Variants in ANKRD17 observed in about 807,000 individuals in gnomAD.
ANKRD17 encodes ankyrin repeat domain 17, also known as ankyrin repeat domain-containing protein 17.
In ANKRD17, 19 loss-of-function variants were observed where a neutral mutation model predicts 229.7. The ratio of observed to expected loss-of-function variants is 0.08; its 90% CI spans 0.06 to 0.12. ANKRD17 has a LOEUF of 0.12. ANKRD17 is among the 10% of genes least tolerant of loss of function. The probability of loss-of-function intolerance (pLI) is 1.00; values close to 1 mark genes in which losing one functional copy is unlikely to be tolerated. For missense variants in ANKRD17, 2,176 were observed against 3,176.8 expected (o/e 0.68, Z 7.57); for synonymous variants, 1,112 against 1,146.1 (o/e 0.97, Z 0.60).
At chr4:73,253,414 C>T (rs774268548) in intron 1 of ANKRD17, among the ~76,000 whole-genome samples, 5 of 152,204 alleles carry the variant, frequency 3.3e-5, no homozygotes, top group Non-Finnish European at 7.3e-5. Context: ...AATATAGCAG[C>T]ACCTACTTCA....
intron 1 of ANKRD17, among the ~76,000 whole-genome samples, chr4:73,192,304 G>A (rs1394660692): frequency 1.3e-5 from 2 of 151,790 alleles, no homozygotes; most frequent in Non-Finnish European, 2.9e-5. Flanking sequence ...TATTGATGCA[G>A]AATGATCTTC....
At chr4:73,080,719 A>T (rs1239433712) in intron 30 of ANKRD17, 1 of 152,220 alleles carries the variant, frequency 6.6e-6, no homozygotes, top group African/African-American at 2.4e-5. Context: ...CTGGGAGCCT[A>T]CCTTAACCTC....
rs1745650046 is a variant in ANKRD17 at position 73,258,186 on chromosome 4, G to A, written c.393+90C>T. ...TGGCCCCTAAGAGATCAACCCACTG[G>A]AATCTGTCCCACTCCAAATCCCCTC... On this transcript the variant is annotated intron_variant, in intron 1 of 33. Transcript: ENST00000358602. The A allele has an allele frequency of 8.2e-6, 13 of 1,583,750 alleles. No homozygotes were observed. The South Asian group carries it at 1.1e-4, about 14-fold the overall frequency.
chr4:73,126,849 C>T (rs1343173019), intron 16 of ANKRD17, among the ~76,000 whole-genome samples: 15 of 152,204 alleles, frequency 9.9e-5, no homozygotes, highest in Non-Finnish European at 2.1e-4. Context: ...CTCCCTGCCT[C>T]AGCTTCCTGA....
At chr4:73,243,815 A>G (rs138219709) in intron 1 of ANKRD17, among the ~76,000 whole-genome samples, 208 of 152,302 alleles carry the variant, frequency 1.4e-3, no homozygotes, top group African/African-American at 4.7e-3. Context: ...TATAATGGAA[A>G]ATGACGTTGG....
rs1372374197 is a variant in ANKRD17 at position 73,076,259 on chromosome 4, T to G, written c.7784A>C (p.Asn2595Thr). 1 of 1,611,874 alleles carries G rather than the reference T, an allele frequency of 6.2e-7. No individual in the cohort carries two copies. The highest frequency in any genetic ancestry group is 1.7e-5 in the Admixed American group (1 of 59,628). Residue 2595 changes from asparagine (N) to threonine (T), a missense_variant, in exon 34 of 34, where the codon AAC becomes ACC. This residue lies in a region of ANKRD17 where 159 missense variants were observed against 214.3 expected (regional missense o/e 0.74). Coordinates refer to ENST00000358602, the MANE Select transcript of ANKRD17 (RefSeq NM_032217.5). Reference sequence around the variant, plus strand: ...GCCAAGCTGGTTCATATGCACACTGTTCATGTGAGGTGCCCAGGGTCCAGT... The same window carrying G: ...GCCAAGCTGGTTCATATGCACACTGGTCATGTGAGGTGCCCAGGGTCCAGT... Reference protein sequence around the residue: ...VWTGPWAPHMNSVHMNQLG With the variant: ...VWTGPWAPHMTSVHMNQLG
intron 1 of ANKRD17, among the ~76,000 whole-genome samples, chr4:73,225,288 T>C (rs1742350362): frequency 6.6e-6 from 1 of 152,194 alleles, no homozygotes; most frequent in African/African-American, 2.4e-5. Flanking sequence ...AAGGAACGTA[T>C]GCTGGAACAC....
At chr4:73,144,709 C>T in intron 11 of ANKRD17, 36 bp downstream of exon 11, 1 of 1,449,284 alleles carries the variant, frequency 6.9e-7, no homozygotes. Context: ...GGGTAGATAC[C>T]TTTCAAAAAA....
chr4:73,207,286 TA>T lies in ANKRD17; in HGVS notation c.394-29754del, dbSNP rs548857758. On this transcript the variant is annotated intron_variant, in intron 1 of 33. Transcript: ENST00000358602. Reference sequence around the variant, plus strand: ...TAATATTTGTCAATTTAAATAAAAGTAAAGTCAGATTAAAGATATATGAAAA... The same window carrying T: ...TAATATTTGTCAATTTAAATAAAAGTAAGTCAGATTAAAGATATATGAAAA... Among the ~76,000 whole-genome samples the T allele has an allele frequency of 1.8e-4, 28 of 151,672 alleles. 2 individuals carry two copies. In the South Asian group the frequency reaches 5.0e-3, roughly 27 times the overall value.
chr4:73,090,617 A>G (rs1165309231), intron 29 of ANKRD17, 50 bp downstream of exon 29: 3 of 1,602,658 alleles, frequency 1.9e-6, no homozygotes, highest in Non-Finnish European at 2.6e-6. Flanking sequence ...GAATTTTCAC[A>G]TCACTTGTGC....
intron 1 of ANKRD17, among the ~76,000 whole-genome samples, chr4:73,241,127 A>G (rs1039659987): frequency 2.0e-5 from 3 of 152,092 alleles, no homozygotes; most frequent in Non-Finnish European, 4.4e-5. Context: ...CAGTACTTAT[A>G]AAGATGTATA....
Position 73,078,730 on chromosome 4 carries a change from C to G in ANKRD17, c.7320G>C (p.Thr2440=). Residue 2440 remains threonine (T), a synonymous_variant, in exon 31 of 34, where the codon ACG becomes ACC. Transcript: ENST00000358602. ...TGCTCCCAATAACAGATGGAGCTGACGTTCCAGTTTGCCTGATACGTGCAG... is the reference window on the plus strand; with the variant it reads ...TGCTCCCAATAACAGATGGAGCTGAGGTTCCAGTTTGCCTGATACGTGCAG... The part of the protein sequence containing the change: ...ERSARIRQTG[T]SAPSVIGSNL... 2 of 1,614,116 alleles carry G rather than the reference C, an allele frequency of 1.2e-6. No homozygotes were observed. The highest frequency in any genetic ancestry group is 1.7e-6 in the Non-Finnish European group (2 of 1,180,028).
intron 1 of ANKRD17, among the ~76,000 whole-genome samples, chr4:73,256,262 A>C (rs1049670510): frequency 7.2e-5 from 11 of 152,212 alleles, no homozygotes; most frequent in African/African-American, 1.4e-4. Context: ...AATTACTAAA[A>C]GTTCTGCTTA....
At chr4:73,099,780 G>A (rs1560515767) in intron 25 of ANKRD17, among the ~76,000 whole-genome samples, 1 of 152,182 alleles carries the variant, frequency 6.6e-6, no homozygotes, top group Non-Finnish European at 1.5e-5. Flanking sequence ...GCTACAGGAA[G>A]GCAGGAGGGG....
rs199774390 is a variant in ANKRD17, at chr4:73,146,860, A to G, written c.1773T>C (p.His591=). ...KYLLAAGANV[H]ATTATGDTAL... ...CTGTATCCCCTGTTGCTGTTGTTGC[A>G]TGAACGTTAGCTCCTGTAGTAGTCA... Residue 591 remains histidine (H), a synonymous_variant, in exon 10 of 34, where the codon CAT becomes CAC. Coordinates refer to ENST00000358602, the MANE Select transcript of ANKRD17 (RefSeq NM_032217.5). 6.9e-5 allele frequency: 112 copies of G among 1,612,314 alleles called. 1 individual carries two copies. In the South Asian group the frequency reaches 8.0e-4, roughly 12 times the overall value.
intron 25 of ANKRD17, 24 bp from the exon 26 acceptor site, chr4:73,098,544 T>G (rs1323506738): frequency 1.9e-6 from 3 of 1,591,128 alleles, no homozygotes; most frequent in Non-Finnish European, 2.6e-6. Context: ...AATACTGAAT[T>G]AGCAAGTTCT....
chr4:73,119,388 T>A (rs1194188161), intron 21 of ANKRD17, among the ~76,000 whole-genome samples: 1 of 152,170 alleles, frequency 6.6e-6, no homozygotes, highest in African/African-American at 2.4e-5. Context: ...AATTTGACCA[T>A]CCCTAATCTG....
In ANKRD17 at chr4:73,091,181, C is replaced by T. The variant is rs747155151; in HGVS notation, c.6447G>A (p.Val2149=). ...PLATSSAPVA[V]PSTAPVTYPM... ...GGTAAGTCACTGGGGCAGTAGAAGG[C>T]ACCGCCACTGGAGCAGAACTTGTTG... The change falls in exon 29 of 34, where the codon GTG becomes GTA. Residue 2149 remains valine (V), a synonymous_variant. Coordinates refer to ENST00000358602, the MANE Select transcript of ANKRD17 (RefSeq NM_032217.5). 9.3e-6 allele frequency: 15 copies of T among 1,614,056 alleles called. No homozygotes were observed. In the Admixed American group the frequency reaches 1.8e-4, roughly 20 times the overall value.
intron 7 of ANKRD17, among the ~76,000 whole-genome samples, chr4:73,150,883 AGAAAAGACCTCGAGAGAG>A (rs1434169031): frequency 6.6e-6 from 1 of 152,234 alleles, no homozygotes; most frequent in African/African-American, 2.4e-5. Flanking sequence ...TCTAGGGCTC[AGAAAAGACCTCGAGAGAG>A]GGGAAATTAT....
Sources: gnomAD v4.1 joint callset for allele counts (sites outside exome capture counted in the v4.1 genomes callset) on GRCh38, gnomAD v4.1.1 for gene constraint, gnomAD v4.1.1 regional missense constraint, MANE v1.5 for transcripts, NCBI Gene and HGNC (gene_info 2026-07-23, HGNC 2026-07-21) for gene names.